CNTNAP5: variants seen among roughly 807,000 people sequenced by gnomAD.
The protein encoded by CNTNAP5 is contactin-associated protein-like 5.
CNTNAP5 carries 72 observed loss-of-function variants against 150.2 expected under a neutral mutation model. The observed-to-expected ratio is 0.48, with a 90% CI of 0.40 to 0.58. The LOEUF (loss-of-function observed/expected upper bound fraction) is 0.58. Ranked by LOEUF, CNTNAP5 falls within the 20% of genes least tolerant of loss-of-function variation. The pLI, the probability that CNTNAP5 is intolerant of heterozygous loss-of-function variation, is 0.00. For missense variants in CNTNAP5, 1,636 were observed against 1,626.2 expected (o/e 1.01, Z -0.10); for synonymous variants, 672 against 619.8 (o/e 1.08, Z -1.25).
intron 5 of CNTNAP5, among the ~76,000 whole-genome samples, chr2:124,441,892 A>G (rs1692683579): frequency 6.6e-6 from 1 of 151,914 alleles, no homozygotes; most frequent in South Asian, 2.1e-4. Context: ...AAGTAAATGA[A>G]CAATGTAAAC....
chr2:124,081,488 G>A (rs1682557847), intron 1 of CNTNAP5, among the ~76,000 whole-genome samples: 1 of 152,152 alleles, frequency 6.6e-6, no homozygotes, highest in East Asian at 1.9e-4. Context: ...AATTGTGGAA[G>A]CTTCTCTAAG....
Position 124,682,963 on chromosome 2 carries a change from C to T in CNTNAP5, c.2077+35005C>T, listed in dbSNP as rs571291046. On this transcript the variant is annotated intron_variant, in intron 13 of 23. Transcript: ENST00000682447. Reference sequence around the variant, plus strand: ...CTTACACGTAAACAACTGCAGTGATCATCACACATTTTTCTTATCTATCTA... The same window carrying T: ...CTTACACGTAAACAACTGCAGTGATTATCACACATTTTTCTTATCTATCTA... Among the ~76,000 whole-genome samples the T allele has an allele frequency of 2.0e-5, 3 of 152,306 alleles. No homozygotes were observed. The South Asian group carries it at 6.2e-4, about 32-fold the overall frequency.
chr2:124,800,253 A>T (rs941421946), intron 19 of CNTNAP5, among the ~76,000 whole-genome samples: 1 of 152,210 alleles, frequency 6.6e-6, no homozygotes, highest in South Asian at 2.1e-4. Context: ...TTTCCAAAGC[A>T]TCTTTTGGGT....
chr2:124,541,362 C>T (rs1006309430), intron 10 of CNTNAP5, among the ~76,000 whole-genome samples: 2 of 151,728 alleles, frequency 1.3e-5, no homozygotes, highest in African/African-American at 4.8e-5. Context: ...AAGGGTCAGG[C>T]TTCTAGTAAT....
intron 3 of CNTNAP5, among the ~76,000 whole-genome samples, chr2:124,314,764 T>C (rs1317463786): frequency 1.3e-5 from 2 of 152,196 alleles, no homozygotes. Flanking sequence ...AGTTCATCTA[T>C]TCATCCATCC....
At position 124,378,189 on chromosome 2, in the gene CNTNAP5, A is replaced by G. The variant is rs11889763; in HGVS notation, c.382-39254A>G. Among the ~76,000 whole-genome samples, 687 of 152,182 alleles carry G rather than the reference A, an allele frequency of 4.5e-3. 3 individuals carry two copies. The highest frequency in any genetic ancestry group is 0.015 in the African/African-American group (633 of 41,534). ...CAAAACCTCTTCATCCTTTAAATTA[A>G]GTACTTCATGAGGACAACAAAAAGA... On this transcript the variant is annotated intron_variant, in intron 3 of 23. Transcript: ENST00000682447.
intron 1 of CNTNAP5, among the ~76,000 whole-genome samples, chr2:124,046,442 A>AAAC (rs1455737247): frequency 3.3e-5 from 5 of 151,524 alleles, no homozygotes; most frequent in Admixed American, 2.6e-4. Flanking sequence ...AGAAAAAAAA[A>AAAC]AAAAAAACAG....
intron 7 of CNTNAP5, among the ~76,000 whole-genome samples, chr2:124,502,119 A>G (rs1694291633): frequency 1.3e-5 from 2 of 152,106 alleles, no homozygotes; most frequent in Admixed American, 6.6e-5. Context: ...GTGCATCCCC[A>G]CTCACAACCT....
At chr2:124,789,320 C>T (rs1386589247) in intron 17 of CNTNAP5, among the ~76,000 whole-genome samples, 1 of 152,108 alleles carries the variant, frequency 6.6e-6, no homozygotes, top group Non-Finnish European at 1.5e-5. Context: ...ACAGGAACTA[C>T]AATCTTTCAC....
chr2:124,422,027 A>C (rs1208370767), intron 4 of CNTNAP5, among the ~76,000 whole-genome samples: 1 of 152,206 alleles, frequency 6.6e-6, no homozygotes, highest in Non-Finnish European at 1.5e-5. Context: ...CCATGAGACC[A>C]GGCACCTTGT....
At chr2:124,903,929 C>A (rs2104760903) in intron 22 of CNTNAP5, among the ~76,000 whole-genome samples, 1 of 152,006 alleles carries the variant, frequency 6.6e-6, no homozygotes, top group South Asian at 2.1e-4. Context: ...TGGTGGGCAC[C>A]TGTAATTCCA....
At chr2:124,245,035 AT>A (rs1686983355) in intron 3 of CNTNAP5, among the ~76,000 whole-genome samples, 2 of 152,088 alleles carry the variant, frequency 1.3e-5, no homozygotes, top group South Asian at 4.1e-4. Context: ...TTTATTTTTT[AT>A]TTTTATTTTT....
chr2:124,221,354 T>C (rs1686306391), intron 1 of CNTNAP5, among the ~76,000 whole-genome samples: 1 of 152,156 alleles, frequency 6.6e-6, no homozygotes, highest in Non-Finnish European at 1.5e-5. Context: ...ATGGCAATAA[T>C]TTGAGGGTTT....
chr2:124,119,255 C>T (rs1021363198), intron 1 of CNTNAP5, among the ~76,000 whole-genome samples: 1 of 152,062 alleles, frequency 6.6e-6, no homozygotes, highest in Non-Finnish European at 1.5e-5. Flanking sequence ...AATTTCTGTG[C>T]ATTGTTTATG....
chr2:124,677,566 T>A (rs780665453), intron 13 of CNTNAP5, among the ~76,000 whole-genome samples: 2 of 152,192 alleles, frequency 1.3e-5, no homozygotes, highest in African/African-American at 2.4e-5. Context: ...AACCTTTAGC[T>A]AGACACAGAG....
At chr2:124,249,959 TTTTG>T (rs1396384578) in intron 3 of CNTNAP5, among the ~76,000 whole-genome samples, 1 of 89,074 alleles carries the variant, frequency 1.1e-5, no homozygotes, top group African/African-American at 5.2e-5. Flanking sequence ...GGATGAATTC[TTTTG>T]TGTGTGTGTG....
rs115829583 is a variant in CNTNAP5, at chr2:124,053,417, G to A, written c.82+27685G>A. 3.6e-3 allele frequency among the ~76,000 whole-genome samples: 551 copies of A among 152,304 alleles called. 6 individuals carry two copies. The highest frequency in any genetic ancestry group is 0.013 in the African/African-American group (536 of 41,570). On this transcript the variant is annotated intron_variant, in intron 1 of 23. Transcript: ENST00000682447. ...AGCCATTTGAGCACCAGCCCAGAGA[G>A]CATCAACCACGAGGACAAAGGTTTC...
chr2:124,886,529 G>A (rs559677216), intron 21 of CNTNAP5, among the ~76,000 whole-genome samples: 1 of 152,124 alleles, frequency 6.6e-6, no homozygotes, highest in South Asian at 2.1e-4. Flanking sequence ...TGTCAAATCT[G>A]ACCCCAAAGT....
At chr2:124,053,034 C>T (rs1186426242) in intron 1 of CNTNAP5, among the ~76,000 whole-genome samples, 5 of 149,214 alleles carry the variant, frequency 3.4e-5, no homozygotes, top group Admixed American at 6.8e-5. Context: ...GGGCCCATAC[C>T]TTCCTCTGCG....
Sources: allele counts gnomAD v4.1 joint callset (sites outside exome capture counted in the v4.1 genomes callset), GRCh38; gene constraint gnomAD v4.1.1; transcripts MANE v1.5; gene names NCBI Gene and HGNC (gene_info 2026-07-23, HGNC 2026-07-21).